Variants in PTPRN2 observed in about 807,000 individuals in gnomAD.
The protein encoded by PTPRN2 is receptor-type tyrosine-protein phosphatase N2.
Under a neutral mutation model 118.8 loss-of-function variants are expected in PTPRN2, and 74 were observed. That is an observed-to-expected ratio of 0.62 (90% CI 0.52 to 0.76). The LOEUF (loss-of-function observed/expected upper bound fraction) is 0.76, where lower values mean the gene tolerates loss of function less well. Among genes scored for constraint, PTPRN2 ranks in the 30% least tolerant of loss-of-function variants. The pLI, the probability that PTPRN2 is intolerant of heterozygous loss-of-function variation, is 0.00. For missense variants in PTPRN2, 1,481 were observed against 1,394.4 expected (o/e 1.06, Z -0.99); for synonymous variants, 641 against 608.0 (o/e 1.05, Z -0.80).
intron 3 of PTPRN2, among the ~76,000 whole-genome samples, chr7:158,299,497 C>G (rs1470630240): frequency 6.6e-6 from 1 of 152,102 alleles, no homozygotes; most frequent in Non-Finnish European, 1.5e-5. Flanking sequence ...GGGGTTTCAC[C>G]ATGTTGGCCA....
intron 2 of PTPRN2, among the ~76,000 whole-genome samples, chr7:158,485,584 T>G (rs1483703573): frequency 5.0e-5 from 4 of 80,318 alleles, no homozygotes; most frequent in South Asian, 7.0e-4. Context: ...TCTGCGCCCC[T>G]CCTGCTCGGC....
At chr7:157,985,915 C>T (rs1473436388) in intron 11 of PTPRN2, among the ~76,000 whole-genome samples, 1 of 152,178 alleles carries the variant, frequency 6.6e-6, no homozygotes, top group Non-Finnish European at 1.5e-5. Flanking sequence ...AGCAGGGAGA[C>T]CAGCCAGACA....
chr7:157,989,176 G>A (rs965560275), intron 11 of PTPRN2, among the ~76,000 whole-genome samples: 8 of 152,206 alleles, frequency 5.3e-5, no homozygotes, highest in African/African-American at 1.9e-4. Context: ...CCAGCACTTT[G>A]GGAGGCTGAG....
intron 12 of PTPRN2, among the ~76,000 whole-genome samples, chr7:157,886,763 C>T (rs1001783899): frequency 6.6e-6 from 1 of 152,256 alleles, no homozygotes; most frequent in Non-Finnish European, 1.5e-5. Flanking sequence ...CTGAGCCCAC[C>T]ACAGTGGGGC....
rs930719133 is a variant in PTPRN2 at position 157,794,127 on chromosome 7, C to T, written c.1788+104546G>A. ...CTCATTCTCTGCTCTGACCCGGGCT[C>T]GCACCTCCCCTCGTTCTCTGCTCTG... On this transcript the variant is annotated intron_variant, in intron 12 of 22. Coordinates refer to ENST00000389418, the MANE Select transcript of PTPRN2 (RefSeq NM_002847.5). The surrounding 1 kb of genome is among the most constrained non-coding windows in gnomAD (Gnocchi z 5.2). Among the ~76,000 whole-genome samples the T allele has an allele frequency of 1.3e-5, 2 of 150,596 alleles. 1 individual carries two copies. The highest frequency in any genetic ancestry group is 4.9e-5 in the African/African-American group (2 of 41,200).
At chr7:158,234,069 T>A (rs1348527600) in intron 3 of PTPRN2, among the ~76,000 whole-genome samples, 2 of 152,276 alleles carry the variant, frequency 1.3e-5, no homozygotes, top group African/African-American at 4.8e-5. Context: ...GGGCAAAGAT[T>A]TTTTTGGTAA....
At position 158,070,312 on chromosome 7, in the gene PTPRN2, TG is replaced by T. The variant is rs1438229381; in HGVS notation, c.1723+10985del. ...CTCGTGGTGGTGGAGGTGCTCCTGGTGGTGGAGGTGCTCGTGGTGTGGAGGT... is the reference window on the plus strand; with the variant it reads ...CTCGTGGTGGTGGAGGTGCTCCTGGTGTGGAGGTGCTCGTGGTGTGGAGGT... On this transcript the variant is annotated intron_variant, in intron 11 of 22. Coordinates refer to ENST00000389418, the MANE Select transcript of PTPRN2 (RefSeq NM_002847.5). 4.0e-5 allele frequency among the ~76,000 whole-genome samples: 6 copies of T among 149,532 alleles called. 1 individual carries two copies. Among genetic ancestry groups the T allele is most frequent in the South Asian group, 2.1e-4 (1 of 4,684 alleles).
chr7:157,877,719 G>C (rs1795864784), intron 12 of PTPRN2, among the ~76,000 whole-genome samples: 1 of 152,166 alleles, frequency 6.6e-6, no homozygotes, highest in African/African-American at 2.4e-5. Flanking sequence ...CCCTCCCTGT[G>C]GGCCTCAGAG....
rs1370843199 is a variant in PTPRN2, at chr7:157,690,608, G to A, written c.1789-7671C>T. Among the ~76,000 whole-genome samples the A allele has an allele frequency of 6.6e-6, 1 of 151,680 alleles. No individual in the cohort carries two copies. The highest frequency in any genetic ancestry group is 1.5e-5 in the Non-Finnish European group (1 of 67,876). On this transcript the variant is annotated intron_variant, in intron 12 of 22. Transcript: ENST00000389418. This position sits in a 1 kb window ranked among gnomAD's most constrained non-coding sequence, Gnocchi z 7.1. Reference sequence around the variant, plus strand: ...GGGAGGAGGTGGGGGCGTGCGCCGGGCCGAGCGGCCTCGGGGCGCAGCAGC... The same window carrying A: ...GGGAGGAGGTGGGGGCGTGCGCCGGACCGAGCGGCCTCGGGGCGCAGCAGC...
At chr7:157,961,809 G>A (rs1173333508) in intron 11 of PTPRN2, among the ~76,000 whole-genome samples, 1 of 152,198 alleles carries the variant, frequency 6.6e-6, no homozygotes, top group Non-Finnish European at 1.5e-5. Flanking sequence ...TCTACTTATG[G>A]GAGCCCGAAC....
intron 12 of PTPRN2, among the ~76,000 whole-genome samples, chr7:157,872,236 C>T (rs537016714): frequency 9.5e-4 from 138 of 145,598 alleles, no homozygotes; most frequent in Non-Finnish European, 1.6e-3. Context: ...TACCCAGTGT[C>T]CTCCCCACAC....
In PTPRN2 at chr7:157,863,533, T is replaced by C. The variant is rs376375528; in HGVS notation, c.1788+35140A>G. On this transcript the variant is annotated intron_variant, in intron 12 of 22. Transcript: ENST00000389418. ...GAAACCTTATACCACCAACTGGTTTTCAAAAGAAAAAAATTAAAAGTAATT... is the reference window on the plus strand; with the variant it reads ...GAAACCTTATACCACCAACTGGTTTCCAAAAGAAAAAAATTAAAAGTAATT... 5.9e-5 allele frequency: 9 copies of C among 152,356 alleles called. No individual in the cohort carries two copies. In the East Asian group the frequency reaches 1.5e-3, roughly 26 times the overall value. 9.4% of individuals were successfully genotyped at this position (152,356 alleles called of 1,614,324 possible).
At chr7:158,418,272 C>T (rs887077700) in intron 2 of PTPRN2, among the ~76,000 whole-genome samples, 4 of 148,608 alleles carry the variant, frequency 2.7e-5, no homozygotes, top group South Asian at 2.2e-4. Flanking sequence ...TGTACTACAT[C>T]GAGATGCTGT....
chr7:157,540,897 T>G, intron 22 of PTPRN2, 112 bp from the exon 23 acceptor site: 1 of 814,236 alleles, frequency 1.2e-6, no homozygotes, highest in East Asian at 2.8e-5. Flanking sequence ...CAACGCAGCA[T>G]CAGCTCCCCG....
rs1470920415 is a variant in PTPRN2 at position 157,690,371 on chromosome 7, C to A, written c.1789-7434G>T. Among the ~76,000 whole-genome samples the A allele has an allele frequency of 6.6e-6, 1 of 152,192 alleles. No individual in the cohort carries two copies. The highest frequency in any genetic ancestry group is 1.5e-5 in the Non-Finnish European group (1 of 68,022). ...CCGACGCCCTAGTTGCCCGTTAGAG[C>A]CCCCATGCGCGCCCTCCAGCCTTCG... On this transcript the variant is annotated intron_variant, in intron 12 of 22. Coordinates refer to ENST00000389418, the MANE Select transcript of PTPRN2 (RefSeq NM_002847.5). This position sits in a 1 kb window ranked among gnomAD's most constrained non-coding sequence, Gnocchi z 7.1.
At chr7:157,762,822 C>A (rs547348278) in intron 12 of PTPRN2, among the ~76,000 whole-genome samples, 1 of 152,162 alleles carries the variant, frequency 6.6e-6, no homozygotes, top group African/African-American at 2.4e-5. Context: ...CCCCAGGCAC[C>A]GCATGCAGGG....
chr7:158,288,592 G>A (rs546838625), intron 3 of PTPRN2, among the ~76,000 whole-genome samples: 9 of 152,108 alleles, frequency 5.9e-5, no homozygotes, highest in South Asian at 2.1e-4. Context: ...CCCACCCCAC[G>A]CATAAACTTT....
chr7:158,040,957 T>C (rs958802488), intron 11 of PTPRN2, among the ~76,000 whole-genome samples: 1 of 152,208 alleles, frequency 6.6e-6, no homozygotes, highest in Non-Finnish European at 1.5e-5. Context: ...GGTCTTGAAC[T>C]CCTGACCTCG....
chr7:157,612,710 G>T (rs917055409), intron 15 of PTPRN2, among the ~76,000 whole-genome samples: 1 of 152,232 alleles, frequency 6.6e-6, no homozygotes, highest in African/African-American at 2.4e-5. Context: ...AGGAAATTCG[G>T]CGGGAACCTA....
Sources: gnomAD v4.1 joint callset for allele counts (sites outside exome capture counted in the v4.1 genomes callset) on GRCh38, gnomAD v4.1.1 for gene constraint, Gnocchi (gnomAD v3.1) non-coding constraint, MANE v1.5 for transcripts, NCBI Gene and HGNC (gene_info 2026-07-23, HGNC 2026-07-21) for gene names.